The following ZNF780A variants were observed in gnomAD, a reference collection of about 807,000 sequenced individuals.
ZNF780A encodes the protein zinc finger protein 780A.
In ZNF780A, 40 loss-of-function variants were observed where a neutral mutation model predicts 56.7. That is an observed-to-expected ratio of 0.71 (90% CI 0.55 to 0.92). The LOEUF is 0.92. Among genes scored for constraint, ZNF780A ranks in the 40% least tolerant of loss-of-function variants. The pLI is 0.00. For missense variants in ZNF780A, 672 were observed against 783.3 expected (o/e 0.86, Z 1.70); for synonymous variants, 231 against 248.3 (o/e 0.93, Z 0.66).
Position 40,074,956 on chromosome 19 carries a change from T to A in ZNF780A, c.1486A>T (p.Thr496Ser). The change falls in exon 6 of 6, where the codon ACT becomes TCT. Residue 496 changes from threonine to serine, a missense_variant. Transcript: ENST00000683561. ...SSLVQHQSIHTGEKPYECKEC... is the reference protein window; with the variant it reads ...SSLVQHQSIHSGEKPYECKEC... ...TTACATTCATAGGGCTTCTCACCAG[T>A]GTGAATACTCTGATGTTGAACAAGG... 4 of 1,613,666 alleles carry A rather than the reference T, an allele frequency of 2.5e-6. No individual in the cohort carries two copies. The highest frequency in any genetic ancestry group is 3.4e-6 in the Non-Finnish European group (4 of 1,179,880).
chr19:40,077,670 A>G (rs1974220911), intron 5 of ZNF780A, among the ~76,000 whole-genome samples: 1 of 151,996 alleles, frequency 6.6e-6, no homozygotes, highest in Non-Finnish European at 1.5e-5. Context: ...ACTAACCATC[A>G]CAACCAAAGC....
At position 40,076,047 on chromosome 19, in the gene ZNF780A, C is replaced by T; in HGVS notation, c.395G>A (p.Gly132Glu). Residue 132 changes from glycine to glutamate, a missense_variant, in exon 6 of 6, where the codon GGA becomes GAA. By Grantham distance (98) the Gly-to-Glu change is moderately conservative. Transcript: ENST00000683561. ...TTGATTGATATTTCCTTCTTGATAT[C>T]CCTGTAGTCCCTCAAATTGTCTATA... ...SEYRQFEGLQ[G>E]YQEGNINQKM... The T allele has an allele frequency of 3.1e-6, 5 of 1,613,784 alleles. No homozygotes were observed. Among genetic ancestry groups the T allele is most frequent in the Non-Finnish European group, 4.2e-6 (5 of 1,179,940 alleles).
chr19:40,069,406 G>A (rs1973743967), downstream of ZNF780A: 1 of 152,050 alleles, frequency 6.6e-6, no homozygotes, highest in Admixed American at 6.6e-5. Flanking sequence ...ATCCAGAGAG[G>A]GCATTAATTT....
Position 40,073,183 on chromosome 19 carries a change from A to G in ZNF780A, c.*1333T>C, listed in dbSNP as rs991401757. 3.4e-6 allele frequency: 3 copies of G among 888,192 alleles called. No homozygotes were observed. In the African/African-American group the frequency reaches 5.3e-5, roughly 16 times the overall value. 55.0% of individuals were successfully genotyped at this position (888,192 alleles called of 1,614,324 possible). On this transcript the variant is annotated 3_prime_UTR_variant, in exon 6 of 6. Transcript: ENST00000683561. ...AAAAATAAACGTGCAAATTGTTAAC[A>G]ATTTTGAATCTAGGTTGGGGTATAT...
chr19:40,075,188 T>A lies in ZNF780A; in HGVS notation c.1254A>T (p.Glu418Asp), dbSNP rs748754360. 1.3e-5 allele frequency: 21 copies of A among 1,613,676 alleles called. No homozygotes were observed. The highest frequency in any genetic ancestry group is 1.8e-5 in the Non-Finnish European group (21 of 1,179,966). ...TAAAGCCTTTCCCACACTCCTTACA[T>A]TCATATGGTTTTATACCAGCATGAA... ...QSIHAGIKPY[E>D]CKECGKGFNR... is the part of the protein sequence containing the mutation. Residue 418 changes from glutamate (E) to aspartate (D), a missense_variant, in exon 6 of 6, where the codon GAA becomes GAT. By Grantham distance (45) the Glu-to-Asp change is conservative. Coordinates refer to ENST00000683561, the MANE Select transcript of ZNF780A (RefSeq NM_001142578.2).
In ZNF780A at chr19:40,075,028, G is replaced by T; in HGVS notation, c.1414C>A (p.Pro472Thr). The T allele has an allele frequency of 6.2e-7, 1 of 1,614,126 alleles. No individual in the cohort carries two copies. Among genetic ancestry groups the T allele is most frequent in the Non-Finnish European group, 8.5e-7 (1 of 1,180,022 alleles). The stretch of plus-strand genomic sequence containing the variant: ...TTCCCACAGTCTTGACATTCAAATG[G>T]CTTGTCACCAGTATGAATTCGAGAA... ...EHSRIHTGDK[P>T]FECQDCGKAF... Residue 472 changes from proline (P) to threonine (T), a missense_variant, in exon 6 of 6, where the codon CCA (proline) becomes ACA (threonine). Physicochemically the swap from Pro to Thr is conservative, Grantham distance 38. Coordinates refer to ENST00000683561, the MANE Select transcript of ZNF780A (RefSeq NM_001142578.2).
rs887720304 is a variant in ZNF780A, at chr19:40,090,941, A to G, written c.-151T>C. On this transcript the variant is annotated 5_prime_UTR_variant, in exon 1 of 6. Transcript: ENST00000683561. ...CGTCGACCCCGGAGACCGGAAGTGG[A>G]CTGGCGCGGTGGCCGCTGGGAAATA... The G allele has an allele frequency of 2.0e-5, 3 of 152,334 alleles. No homozygotes were observed. The highest frequency in any genetic ancestry group is 4.8e-5 in the African/African-American group (2 of 41,424). 9.4% of individuals were successfully genotyped at this position (152,334 alleles called of 1,614,324 possible). A position where few individuals can be genotyped will look rare whatever the true frequency, so the allele number is the denominator to read the frequency against.
chr19:40,087,379 C>G (rs1333471337), intron 2 of ZNF780A, among the ~76,000 whole-genome samples: 1 of 152,092 alleles, frequency 6.6e-6, no homozygotes, highest in East Asian at 1.9e-4. Context: ...CCCTCCCCGA[C>G]AGCATGACAA....
rs1368535902 is a variant in ZNF780A, at chr19:40,083,254, A to G, written c.10-17T>C. On this transcript the variant is annotated splice_polypyrimidine_tract_variant and intron_variant, in intron 3 of 5. Transcript: ENST00000683561. ...CACTGATCCCTGAAACCACAAACAC[A>G]TGTATAATGGTGAAACTGAAGAAAG... 10 of 1,613,786 alleles carry G rather than the reference A, an allele frequency of 6.2e-6. No homozygotes were observed. Among genetic ancestry groups the G allele is most frequent in the Non-Finnish European group, 7.6e-6 (9 of 1,179,910 alleles).
At chr19:40,087,424 C>A (rs1974874209) in intron 2 of ZNF780A, among the ~76,000 whole-genome samples, 1 of 152,172 alleles carries the variant, frequency 6.6e-6, no homozygotes, top group African/African-American at 2.4e-5. Flanking sequence ...AGCTGAGAAC[C>A]AATGTTCTAT....
chr19:40,082,060 G>T (rs1974514848), intron 4 of ZNF780A, 146 bp from the exon 5 acceptor site: 4 of 518,724 alleles, frequency 7.7e-6, no homozygotes, highest in African/African-American at 4.0e-5. Flanking sequence ...GGTTGAGTAA[G>T]AGAACTCTTT....
Position 40,081,908 on chromosome 19 carries a change from G to A in ZNF780A, c.143C>T (p.Ser48Phe). 6.2e-7 allele frequency: 1 copy of A among 1,602,498 alleles called. No individual in the cohort carries two copies. The highest frequency in any genetic ancestry group is 8.5e-7 in the Non-Finnish European group (1 of 1,174,416). ...CGTAATTACATCTGGTTTAGAAATG[G>A]AACTTCCTGCTTAAAAGAAACGACA... is the stretch of plus-strand genomic sequence containing the variant. Reference protein sequence around the residue: ...NYSHLISLGSSISKPDVITLL... With the variant: ...NYSHLISLGSFISKPDVITLL... Residue 48 changes from serine to phenylalanine, a missense_variant, in exon 5 of 6, where the codon TCC (serine) becomes TTC (phenylalanine). Coordinates refer to ENST00000683561, the MANE Select transcript of ZNF780A (RefSeq NM_001142578.2).
chr19:40,090,264 T>C (rs1599860997), intron 1 of ZNF780A, 29 bp from the exon 2 acceptor site: 1 of 152,268 alleles, frequency 6.6e-6, no homozygotes, highest in Non-Finnish European at 1.5e-5. Flanking sequence ...AGCGTGAGAC[T>C]CCAGGCATTT....
In ZNF780A at chr19:40,076,179, A is replaced by G. The variant is rs117501285; in HGVS notation, c.263T>C (p.Val88Ala). The stretch of plus-strand genomic sequence containing the variant: ...TTCAGAGGTATCATTTTCTGGAGAT[A>G]CTTTCTCAGGTCCATATTTTAACTC... Reference protein sequence around the residue: ...DLELKYGPEKVSPENDTSEVN... With the variant: ...DLELKYGPEKASPENDTSEVN... The change falls in exon 6 of 6, where the codon GTA (valine) becomes GCA (alanine). Residue 88 changes from valine (V) to alanine (A), a missense_variant. Val to Ala is a moderately conservative substitution (Grantham distance 64). Transcript: ENST00000683561. 0.01 allele frequency: 16,345 copies of G among 1,572,390 alleles called. 119 individuals are homozygous for G. Among genetic ancestry groups the G allele is most frequent in the Non-Finnish European group, 0.013 (15,173 of 1,165,130 alleles).
intron 3 of ZNF780A, among the ~76,000 whole-genome samples, chr19:40,083,677 A>G (rs1974617180): frequency 6.6e-6 from 1 of 151,680 alleles, no homozygotes; most frequent in Non-Finnish European, 1.5e-5. Flanking sequence ...GAAAAAAAAA[A>G]AAAAAAAAAA....
chr19:40,074,194 C>T lies in ZNF780A; in HGVS notation c.*322G>A, dbSNP rs940792077. 29 of 1,400,304 alleles carry T rather than the reference C, an allele frequency of 2.1e-5. No homozygotes were observed. The highest frequency in any genetic ancestry group is 9.9e-5 in the Admixed American group (4 of 40,262). The allele number at this position is 1,400,304 out of a possible 1,614,324, so 86.7% of individuals were successfully genotyped here. A position where few individuals can be genotyped will look rare whatever the true frequency, so the allele number is the denominator to read the frequency against. On this transcript the variant is annotated 3_prime_UTR_variant, in exon 6 of 6. Coordinates refer to ENST00000683561, the MANE Select transcript of ZNF780A (RefSeq NM_001142578.2). ...CATTTCTCAAATTCAAATGGCTTCT[C>T]GCCAGTATGAATGACCTGAAGTCCA... is the stretch of plus-strand genomic sequence containing the variant.
chr19:40,090,321 A>T (rs953537241), intron 1 of ZNF780A, 86 bp from the exon 2 acceptor site: 11 of 152,140 alleles, frequency 7.2e-5, no homozygotes, highest in African/African-American at 2.7e-4. Flanking sequence ...CCATAGCCAC[A>T]ATTTCCCTCA....
chr19:40,078,455 A>C (rs1004174270), intron 5 of ZNF780A, among the ~76,000 whole-genome samples: 1 of 152,304 alleles, frequency 6.6e-6, no homozygotes, highest in East Asian at 1.9e-4. Flanking sequence ...ATACCCAAAT[A>C]CATAACAACA....
intron 5 of ZNF780A, among the ~76,000 whole-genome samples, chr19:40,078,815 C>G (rs1281466259): frequency 2.0e-5 from 3 of 152,020 alleles, no homozygotes; most frequent in African/African-American, 7.2e-5. Flanking sequence ...TGAAAACACA[C>G]AAAATTATAA....
Sources: gnomAD v4.1 joint callset for allele counts (sites outside exome capture counted in the v4.1 genomes callset) on GRCh38, gnomAD v4.1.1 for gene constraint, MANE v1.5 for transcripts, NCBI Gene and HGNC (gene_info 2026-07-23, HGNC 2026-07-21) for gene names.